HEMK2: variants seen among roughly 807,000 people sequenced by gnomAD.
HEMK2 encodes the protein HemK methyltransferase 2, ETF1 glutamine and histone H4 lysine.
chr21:28,862,632 C>T, the HEMK2 span, among the ~76,000 whole-genome samples: 1 of 120,048 alleles, frequency 8.3e-6, no homozygotes, highest in Admixed American at 7.7e-5. Flanking sequence ...GGCGACAGAG[C>T]GAGACTCCGT....
the HEMK2 span, among the ~76,000 whole-genome samples, chr21:28,840,283 A>AC: frequency 6.6e-6 from 1 of 152,146 alleles, no homozygotes; most frequent in Non-Finnish European, 1.5e-5. Flanking sequence ...CATTGGAAAA[A>AC]CCCTTCTAGA....
At chr21:28,712,894 T>C in the HEMK2 span, among the ~76,000 whole-genome samples, 1 of 152,220 alleles carries the variant, frequency 6.6e-6, no homozygotes, top group African/African-American at 2.4e-5. Flanking sequence ...ACACCAATCA[T>C]GGCAAACCTA....
chr21:28,598,956 A>C, the HEMK2 span, among the ~76,000 whole-genome samples: 1 of 152,228 alleles, frequency 6.6e-6, no homozygotes, highest in Non-Finnish European at 1.5e-5. Context: ...AAAGAAGAAT[A>C]GTGGCAGTAA....
chr21:28,759,928 T>TGAACATGAC, the HEMK2 span, among the ~76,000 whole-genome samples: 13 of 152,178 alleles, frequency 8.5e-5, no homozygotes, highest in Non-Finnish European at 1.9e-4. Flanking sequence ...CAAAACAGTT[T>TGAACATGAC]ACTACACACT....
the HEMK2 span, among the ~76,000 whole-genome samples, chr21:28,704,225 C>G: frequency 1.3e-5 from 2 of 152,124 alleles, no homozygotes; most frequent in African/African-American, 2.4e-5. Context: ...TTTCTATAAA[C>G]TAAGCCCAGC....
the HEMK2 span, among the ~76,000 whole-genome samples, chr21:28,690,735 T>C: frequency 3.1e-3 from 476 of 152,300 alleles, 1 homozygote; most frequent in African/African-American, 0.011. Context: ...TGTATAGTCT[T>C]ATCATCAAAA....
the HEMK2 span, among the ~76,000 whole-genome samples, chr21:28,704,016 C>T: frequency 6.6e-6 from 1 of 152,152 alleles, no homozygotes; most frequent in Non-Finnish European, 1.5e-5. Context: ...AACATGTCTG[C>T]TCATGTCACA....
chr21:28,748,526 C>A, the HEMK2 span, among the ~76,000 whole-genome samples: 2 of 152,170 alleles, frequency 1.3e-5, no homozygotes, highest in Non-Finnish European at 2.9e-5. Flanking sequence ...GGGCTTGATT[C>A]TTTCCCTCAA....
chr21:28,847,091 G>T, the HEMK2 span, among the ~76,000 whole-genome samples: 2 of 152,102 alleles, frequency 1.3e-5, no homozygotes, highest in African/African-American at 4.8e-5. Flanking sequence ...ATGCTGTGAT[G>T]AATATATGTA....
At chr21:28,755,486 T>C in the HEMK2 span, among the ~76,000 whole-genome samples, 4 of 152,232 alleles carry the variant, frequency 2.6e-5, no homozygotes, top group Admixed American at 6.5e-5. Flanking sequence ...CTGCAACTTA[T>C]GTTTCTACCA....
the HEMK2 span, among the ~76,000 whole-genome samples, chr21:28,870,700 T>C: frequency 2.0e-5 from 3 of 152,224 alleles, no homozygotes; most frequent in Non-Finnish European, 4.4e-5. Flanking sequence ...TAAAATGTCA[T>C]TATTTCTTCC....
chr21:28,808,585 T>C, the HEMK2 span, among the ~76,000 whole-genome samples: 1 of 152,092 alleles, frequency 6.6e-6, no homozygotes, highest in Admixed American at 6.6e-5. Flanking sequence ...TGGTTTTCAG[T>C]GTAGAGAGCT....
At chr21:28,586,518 C>G in the HEMK2 span, among the ~76,000 whole-genome samples, 1 of 150,272 alleles carries the variant, frequency 6.7e-6, no homozygotes, top group African/African-American at 2.4e-5. Context: ...CAACGAATCA[C>G]TGCAAATGCT....
chr21:28,755,737 T>A, the HEMK2 span, among the ~76,000 whole-genome samples: 6 of 152,294 alleles, frequency 3.9e-5, no homozygotes, highest in South Asian at 8.3e-4. Context: ...TACACAGGTA[T>A]GAGGCGATGA....
chr21:28,661,492 T>G, the HEMK2 span, among the ~76,000 whole-genome samples: 7 of 152,244 alleles, frequency 4.6e-5, no homozygotes, highest in Non-Finnish European at 1.0e-4. Flanking sequence ...ATTATGCTAA[T>G]GACTAAAAGT....
At chr21:28,866,172 A>AC in the HEMK2 span, among the ~76,000 whole-genome samples, 1 of 133,028 alleles carries the variant, frequency 7.5e-6, no homozygotes, top group African/African-American at 3.0e-5. Flanking sequence ...AAACAAAAAA[A>AC]AAAACACACA....
At chr21:28,707,129 A>C in the HEMK2 span, among the ~76,000 whole-genome samples, 27 of 152,214 alleles carry the variant, frequency 1.8e-4, no homozygotes, top group African/African-American at 6.5e-4. Context: ...AATTACATTG[A>C]GAATGTTTAA....
chr21:28,867,411 C>T, the HEMK2 span, among the ~76,000 whole-genome samples: 1 of 152,074 alleles, frequency 6.6e-6, no homozygotes, highest in Non-Finnish European at 1.5e-5. Context: ...GTGCCATCAC[C>T]AAGGGCAAGT....
At chr21:28,730,615 TCA>T in the HEMK2 span, among the ~76,000 whole-genome samples, 2 of 152,092 alleles carry the variant, frequency 1.3e-5, no homozygotes, top group Non-Finnish European at 2.9e-5. Flanking sequence ...AACTGAGGCC[TCA>T]GTTTCTTGCT....
Sources: allele counts gnomAD v4.1 joint callset (sites outside exome capture counted in the v4.1 genomes callset), GRCh38; gene constraint gnomAD v4.1.1; transcripts MANE v1.5; gene names NCBI Gene and HGNC (gene_info 2026-07-23, HGNC 2026-07-21).